ZFHX4: variants seen among roughly 807,000 people sequenced by gnomAD.
The protein encoded by ZFHX4 is zinc finger homeobox 4.
Under a neutral mutation model 267.6 loss-of-function variants are expected in ZFHX4, and 56 were observed. The ratio of observed to expected loss-of-function variants is 0.21; its 90% CI spans 0.17 to 0.26. The LOEUF is 0.26. Among genes scored for constraint, ZFHX4 ranks in the 10% least tolerant of loss-of-function variants. The pLI is 1.00. For synonymous variants in ZFHX4, 1,778 were observed against 1,665.6 expected, an observed-to-expected ratio of 1.07 and a Z score of -1.64; for missense variants, 4,332 against 4,420.0, an observed-to-expected ratio of 0.98 and a Z score of 0.56.
chr8:76,706,326 C>T lies in ZFHX4; in HGVS notation c.2238C>T (p.Pro746=), dbSNP rs111395519. The change falls in exon 2 of 11, where the codon CCC becomes CCT. Residue 746 remains proline (P), a synonymous_variant. Transcript: ENST00000651372. ...EQVFGHSAPA[P]NTSLSGCGTP... ...TGTTTGGCCACTCTGCCCCAGCCCCCAACACCAGCCTCAGTGGCTGCGGAA... is the reference window on the plus strand; with the variant it reads ...TGTTTGGCCACTCTGCCCCAGCCCCTAACACCAGCCTCAGTGGCTGCGGAA... 1.2e-3 allele frequency: 1,970 copies of T among 1,614,088 alleles called. 22 individuals are homozygous for T. In the African/African-American group the frequency reaches 0.024, roughly 20 times the overall value.
Position 76,852,255 on chromosome 8 carries a change from A to G in ZFHX4, c.5334A>G (p.Leu1778=). Reference sequence around the variant, plus strand: ...TGGCTGGCTCCTTGCTTGAAGACCTAAAGCAGCAGATTCAAACCCAACATC... The same window carrying G: ...TGGCTGGCTCCTTGCTTGAAGACCTGAAGCAGCAGATTCAAACCCAACATC... ...TGMAGSLLED[L]KQQIQTQHHV... is the part of the protein sequence containing the mutation. The change falls in exon 10 of 11, where the codon CTA becomes CTG. Residue 1778 remains leucine, a synonymous_variant. Transcript: ENST00000651372. The G allele has an allele frequency of 6.3e-7, 1 of 1,599,740 alleles. No homozygotes were observed. Among genetic ancestry groups the G allele is most frequent in the Non-Finnish European group, 8.5e-7 (1 of 1,172,140 alleles).
chr8:76,713,909 C>T (rs1447094314), intron 3 of ZFHX4, among the ~76,000 whole-genome samples: 1 of 151,828 alleles, frequency 6.6e-6, no homozygotes, highest in African/African-American at 2.4e-5. Context: ...CACACACGAC[C>T]ACCACCACCA....
chr8:76,802,402 T>G (rs985295246), intron 4 of ZFHX4, among the ~76,000 whole-genome samples: 1 of 152,160 alleles, frequency 6.6e-6, no homozygotes, highest in Non-Finnish European at 1.5e-5. Flanking sequence ...AACTACAACA[T>G]TCACTGTATT....
rs1254328419 is a variant in ZFHX4 at position 76,725,398 on chromosome 8, G to A, written c.3093+17350G>A. Among the ~76,000 whole-genome samples the A allele has an allele frequency of 3.9e-5, 6 of 152,204 alleles. No homozygotes were observed. In the South Asian group the frequency reaches 6.2e-4, roughly 16 times the overall value. On this transcript the variant is annotated intron_variant, in intron 3 of 10. Coordinates refer to ENST00000651372, the MANE Select transcript of ZFHX4 (RefSeq NM_024721.5). ...GTTCTGTACTGGCCACAAGAGCTAC[G>A]TTTTAAAATATGAATCTAATATAAA...
At chr8:76,725,826 A>G (rs73347355) in intron 3 of ZFHX4, among the ~76,000 whole-genome samples, 1 of 152,218 alleles carries the variant, frequency 6.6e-6, no homozygotes, top group East Asian at 1.9e-4. Context: ...CTCCTGTGCC[A>G]GTACAATTGC....
At chr8:76,701,816 C>T (rs1001896908) in intron 1 of ZFHX4, among the ~76,000 whole-genome samples, 1 of 152,032 alleles carries the variant, frequency 6.6e-6, no homozygotes, top group South Asian at 2.1e-4. Context: ...TTTTACATAT[C>T]AGATATGTGC....
chr8:76,797,325 C>T (rs571894568), intron 4 of ZFHX4, among the ~76,000 whole-genome samples: 3 of 152,180 alleles, frequency 2.0e-5, no homozygotes, highest in Non-Finnish European at 2.9e-5. Context: ...TTTAGAAAAG[C>T]GCTGATAAAC....
rs1341565380 is a variant in ZFHX4 at position 76,744,628 on chromosome 8, G to T, written c.3094-33580G>T. Among the ~76,000 whole-genome samples, 4 of 151,926 alleles carry T rather than the reference G, an allele frequency of 2.6e-5. No homozygotes were observed. The East Asian group carries it at 7.9e-4, about 30-fold the overall frequency. ...GGGTTTCACCGTGTTGGCCAGGCAGGTCTTGCACTCCTGACCTCAAGTAAT... is the reference window on the plus strand; with the variant it reads ...GGGTTTCACCGTGTTGGCCAGGCAGTTCTTGCACTCCTGACCTCAAGTAAT... On this transcript the variant is annotated intron_variant, in intron 3 of 10. Coordinates refer to ENST00000651372, the MANE Select transcript of ZFHX4 (RefSeq NM_024721.5).
intron 3 of ZFHX4, among the ~76,000 whole-genome samples, chr8:76,763,923 C>T (rs1417833405): frequency 6.6e-6 from 1 of 152,082 alleles, no homozygotes; most frequent in Non-Finnish European, 1.5e-5. Flanking sequence ...GGATATGGAT[C>T]ACATTAATTC....
chr8:76,769,358 CT>C (rs886891582), intron 3 of ZFHX4, among the ~76,000 whole-genome samples: 9 of 149,824 alleles, frequency 6.0e-5, no homozygotes, highest in East Asian at 2.0e-4. Flanking sequence ...TTTCTTTCTT[CT>C]TTTTTTTTAA....
In ZFHX4 at chr8:76,721,476, TC is replaced by T. The variant is rs1207454738; in HGVS notation, c.3093+13432del. On this transcript the variant is annotated intron_variant, in intron 3 of 10. Coordinates refer to ENST00000651372, the MANE Select transcript of ZFHX4 (RefSeq NM_024721.5). ...ACAAAGGGAAAAACTGGAGAGCTTC[TC>T]CCCGTCCTCAAGAAGCTCATCAGTT... Among the ~76,000 whole-genome samples, 12 of 152,276 alleles carry T rather than the reference TC, an allele frequency of 7.9e-5. No homozygotes were observed. The East Asian group carries it at 2.3e-3, about 29-fold the overall frequency.
intron 3 of ZFHX4, among the ~76,000 whole-genome samples, chr8:76,768,340 T>A (rs1427702020): frequency 6.6e-6 from 1 of 152,040 alleles, no homozygotes; most frequent in Admixed American, 6.6e-5. Flanking sequence ...CATAATATGA[T>A]TAGGAATGCC....
chr8:76,839,794 A>G (rs1014039991), intron 5 of ZFHX4, among the ~76,000 whole-genome samples: 3 of 152,114 alleles, frequency 2.0e-5, no homozygotes, highest in Non-Finnish European at 2.9e-5. Flanking sequence ...CTTACATTTC[A>G]TAGTATTTTA....
At chr8:76,683,799 T>C (rs1807619441) in intron 1 of ZFHX4, 1 of 151,564 alleles carries the variant, frequency 6.6e-6, no homozygotes, top group South Asian at 2.1e-4. Context: ...ATATTTTTAG[T>C]TGGGTGGATG....
chr8:76,832,005 G>C (rs577757007), intron 4 of ZFHX4, among the ~76,000 whole-genome samples: 1 of 148,106 alleles, frequency 6.8e-6, no homozygotes, highest in Admixed American at 6.7e-5. Context: ...TTTTTAGTGG[G>C]GGGGGGCACT....
In ZFHX4 at chr8:76,863,626, C is replaced by A; in HGVS notation, c.9912C>A (p.Pro3304=). 1 of 1,613,186 alleles carries A rather than the reference C, an allele frequency of 6.2e-7. No individual in the cohort carries two copies. The highest frequency in any genetic ancestry group is 8.5e-7 in the Non-Finnish European group (1 of 1,179,652). The change falls in exon 11 of 11, where the codon CCC becomes CCA. Residue 3304 remains proline, a synonymous_variant. Transcript: ENST00000651372. ...TCTTTCCTTATGGCCCTACAATGCC[C>A]CAGACACTGGCAGGTCTGTCCCCAG... ...ESLFPYGPTM[P]QTLAGLSPGA...
At chr8:76,750,641 T>G (rs1207837606) in intron 3 of ZFHX4, among the ~76,000 whole-genome samples, 1 of 152,202 alleles carries the variant, frequency 6.6e-6, no homozygotes, top group African/African-American at 2.4e-5. Context: ...TTTACTAGTC[T>G]GTTTCCCAGC....
At chr8:76,743,253 C>A (rs1251147160) in intron 3 of ZFHX4, among the ~76,000 whole-genome samples, 2 of 152,108 alleles carry the variant, frequency 1.3e-5, no homozygotes, top group Non-Finnish European at 2.9e-5. Flanking sequence ...TCTAATCTTC[C>A]TCGAACTTCT....
At chr8:76,711,719 C>A (rs529188399) in intron 3 of ZFHX4, among the ~76,000 whole-genome samples, 1 of 152,120 alleles carries the variant, frequency 6.6e-6, no homozygotes, top group East Asian at 1.9e-4. Context: ...TTTGTCTACC[C>A]CTTAAATGAT....
Sources: allele counts gnomAD v4.1 joint callset (sites outside exome capture counted in the v4.1 genomes callset), GRCh38; gene constraint gnomAD v4.1.1; transcripts MANE v1.5; gene names NCBI Gene and HGNC (gene_info 2026-07-23, HGNC 2026-07-21).